The following ADGRG1 variants were observed in gnomAD, a reference collection of about 807,000 sequenced individuals.
ADGRG1 encodes the protein 7-transmembrane protein with no EGF-like N-terminal domains-1.
ADGRG1 carries 53 observed loss-of-function variants against 73.5 expected under a neutral mutation model. The ratio of observed to expected loss-of-function variants is 0.72; its 90% CI spans 0.58 to 0.91. The LOEUF is 0.91. Among genes scored for constraint, ADGRG1 ranks in the 40% least tolerant of loss-of-function variants. The pLI is 0.00. For synonymous variants in ADGRG1, 394 were observed against 374.4 expected (o/e 1.05, Z -0.60); for missense variants, 795 against 871.8 (o/e 0.91, Z 1.11).
At chr16:57,624,466 A>G (rs1344093725), upstream of ADGRG1, among the ~76,000 whole-genome samples, 1 of 152,208 alleles carries the variant, frequency 6.6e-6, no homozygotes, top group Admixed American at 6.5e-5. Context: ...GCATCACTAC[A>G]TTCCAGCAAG....
At chr16:57,635,019 G>T in intron 1 of ADGRG1, 11 of 985,340 alleles carry the variant, frequency 1.1e-5, no homozygotes, top group Non-Finnish European at 1.2e-5. Flanking sequence ...GGGCTGGATG[G>T]GAGGGAGCAG....
chr16:57,630,496 G>A (rs2037509644), intron 1 of ADGRG1: 1 of 985,666 alleles, frequency 1.0e-6, no homozygotes, highest in Non-Finnish European at 1.2e-6. Context: ...GGTGATCACA[G>A]CTGCCCTGGC....
rs563124404 is a variant in ADGRG1 at position 57,637,257 on chromosome 16, G to T, written c.-36+8455G>T. 79 of 953,960 alleles carry T rather than the reference G, an allele frequency of 8.3e-5. No homozygotes were observed. In the South Asian group the frequency reaches 3.3e-3, roughly 40 times the overall value. 59.1% of individuals were successfully genotyped at this position (953,960 alleles called of 1,614,324 possible). On this transcript the variant is annotated intron_variant, in intron 1 of 13. Coordinates refer to ENST00000562631, the MANE Select transcript of ADGRG1 (RefSeq NM_201525.4). ...TTCAGTCCCCGCCCCGACCCTGGTC[G>T]GGAATGTTGTAGGTGTGAAGTAAGA...
chr16:57,663,698 C>A lies in ADGRG1; in HGVS notation c.*116C>A. On this transcript the variant is annotated 3_prime_UTR_variant, in exon 14 of 14. Transcript: ENST00000562631. ...AGTCAGCCGCAGACTTTGGAAAGCC[C>A]AACGACCATGGAGAGATGGGCCGTT... 1.6e-6 allele frequency: 2 copies of A among 1,219,690 alleles called. No individual in the cohort carries two copies. The highest frequency in any genetic ancestry group is 2.4e-6 in the Non-Finnish European group (2 of 844,872). 75.6% of individuals were successfully genotyped at this position (1,219,690 alleles called of 1,614,324 possible). A position where few individuals can be genotyped will look rare whatever the true frequency, so the allele number is the denominator to read the frequency against.
At chr16:57,631,974 G>A (rs1454420666) in intron 1 of ADGRG1, 7 of 985,150 alleles carry the variant, frequency 7.1e-6, no homozygotes, top group Non-Finnish European at 7.2e-6. Flanking sequence ...CTGGCAGGAG[G>A]TCAGCTAAGC....
rs531818980 is a variant in ADGRG1, at chr16:57,664,379, G to A, written c.*797G>A. The A allele has an allele frequency of 2.0e-5, 3 of 152,354 alleles. No individual in the cohort carries two copies. The highest frequency in any genetic ancestry group is 2.4e-5 in the African/African-American group (1 of 41,426). 9.4% of individuals were successfully genotyped at this position (152,354 alleles called of 1,614,324 possible). On this transcript the variant is annotated 3_prime_UTR_variant, in exon 14 of 14. Coordinates refer to ENST00000562631, the MANE Select transcript of ADGRG1 (RefSeq NM_201525.4). The stretch of plus-strand genomic sequence containing the variant: ...CCTGAGCCAGGCTCGGTACCGATGC[G>A]TGGGCTGGGCTAGGTCCCTCTGTCC...
intron 1 of ADGRG1, chr16:57,632,449 A>G (rs770068655): frequency 2.0e-6 from 1 of 490,518 alleles, no homozygotes; most frequent in Non-Finnish European, 2.6e-6. Flanking sequence ...TGATAGAGGA[A>G]AGCATATGGG....
intron 3 of ADGRG1, 60 bp downstream of exon 3, chr16:57,651,682 A>G: frequency 6.4e-7 from 1 of 1,557,718 alleles, no homozygotes; most frequent in Non-Finnish European, 8.7e-7. Flanking sequence ...AGGGAAGGCA[A>G]AATGCAAAGT....
chr16:57,640,913 G>C (rs966124022), intron 1 of ADGRG1: 2 of 985,530 alleles, frequency 2.0e-6, no homozygotes, highest in South Asian at 9.4e-5. Flanking sequence ...TGACCTTGCG[G>C]GCCTGGCCTT....
chr16:57,655,750 G>A, intron 6 of ADGRG1, 126 bp from the exon 7 acceptor site: 1 of 1,608,028 alleles, frequency 6.2e-7, no homozygotes, highest in South Asian at 1.1e-5. Flanking sequence ...GGTTCCAGAG[G>A]GAGACGCAGC....
At chr16:57,655,220 C>T in intron 5 of ADGRG1, 179 bp from the exon 6 acceptor site, 1 of 985,338 alleles carries the variant, frequency 1.0e-6, no homozygotes, top group South Asian at 4.7e-5. Context: ...CCAGCCAGAG[C>T]TGGTAGCAGG....
At chr16:57,660,644 G>T in intron 11 of ADGRG1, 124 bp from the exon 12 acceptor site, 6 of 1,522,344 alleles carry the variant, frequency 3.9e-6, no homozygotes, top group Non-Finnish European at 4.4e-6. Context: ...ACCAGATGGG[G>T]CTGGGTGGGC....
chr16:57,662,690 CG>C (rs1440157554), intron 13 of ADGRG1, among the ~76,000 whole-genome samples: 12 of 150,984 alleles, frequency 7.9e-5, no homozygotes, highest in African/African-American at 2.9e-4. Flanking sequence ...CAGATGGCGG[CG>C]GGTCGGGGCG....
intron 1 of ADGRG1, chr16:57,632,727 G>T (rs1440108832): frequency 1.4e-5 from 13 of 948,242 alleles, no homozygotes; most frequent in Non-Finnish European, 1.5e-5. Flanking sequence ...GCAGTTTGTG[G>T]TATGCTTGGC....
intron 1 of ADGRG1, among the ~76,000 whole-genome samples, chr16:57,644,667 TCCTCA>T (rs2041955425): frequency 8.8e-6 from 1 of 113,694 alleles, no homozygotes; most frequent in African/African-American, 3.5e-5. Flanking sequence ...CATCACACAC[TCCTCA>T]CACACTCATG....
intron 1 of ADGRG1, chr16:57,642,273 G>A: frequency 1.0e-5 from 10 of 985,338 alleles, no homozygotes; most frequent in Non-Finnish European, 1.2e-5. Flanking sequence ...AAGGGAGGTG[G>A]GATAGGCCTG....
intron 10 of ADGRG1, 147 bp downstream of exon 10, chr16:57,657,638 C>A: frequency 1.4e-6 from 1 of 739,514 alleles, no homozygotes; most frequent in Non-Finnish European, 2.5e-6. Context: ...GTAAGCTGAC[C>A]CTTGGGGGCC....
At chr16:57,655,688 G>A (rs1437730389) in intron 6 of ADGRG1, 158 bp downstream of exon 6, 5 of 985,254 alleles carry the variant, frequency 5.1e-6, no homozygotes, top group East Asian at 1.1e-4. Flanking sequence ...CCTGTGAGAG[G>A]GCTAAGCAAT....
At chr16:57,652,928 G>A (rs1487075317) in intron 3 of ADGRG1, 5 of 1,304,794 alleles carry the variant, frequency 3.8e-6, no homozygotes, top group East Asian at 3.6e-5. Flanking sequence ...GTGTGTAGCC[G>A]AAGGTGTCTG....
Sources: allele counts gnomAD v4.1 joint callset (sites outside exome capture counted in the v4.1 genomes callset), GRCh38; gene constraint gnomAD v4.1.1; transcripts MANE v1.5; gene names NCBI Gene and HGNC (gene_info 2026-07-23, HGNC 2026-07-21).